Variants in TMCC1 observed in about 807,000 individuals in gnomAD.
The protein encoded by TMCC1 is transmembrane and coiled-coil domains protein 1.
Under a neutral mutation model 52.4 loss-of-function variants are expected in TMCC1, and 15 were observed. That is an observed-to-expected ratio of 0.29 (90% CI 0.19 to 0.44). The LOEUF is 0.44. TMCC1 is among the 20% of genes least tolerant of loss of function. The pLI, the probability that TMCC1 is intolerant of heterozygous loss-of-function variation, is 1.00. For missense variants in TMCC1, 503 were observed against 806.0 expected (o/e 0.62, Z 4.55); for synonymous variants, 279 against 301.9 (o/e 0.92, Z 0.79).
intron 5 of TMCC1, among the ~76,000 whole-genome samples, chr3:129,666,718 C>A (rs1295728566): frequency 1.3e-5 from 2 of 151,506 alleles, no homozygotes; most frequent in Admixed American, 6.6e-5. Flanking sequence ...CCAGCCTGGG[C>A]AACAAGAGTG....
intron 4 of TMCC1, among the ~76,000 whole-genome samples, chr3:129,806,167 G>A (rs1158612624): frequency 6.6e-6 from 1 of 152,160 alleles, no homozygotes; most frequent in African/African-American, 2.4e-5. Flanking sequence ...TCTAATACAA[G>A]TTTGGGAAGC....
chr3:129,870,136 T>A (rs2060841299), intron 2 of TMCC1, among the ~76,000 whole-genome samples: 1 of 152,068 alleles, frequency 6.6e-6, no homozygotes, highest in Non-Finnish European at 1.5e-5. Flanking sequence ...ATAATAAAAA[T>A]AAAATATAAA....
chr3:129,761,003 T>C (rs1028212176), intron 4 of TMCC1, among the ~76,000 whole-genome samples: 1 of 152,086 alleles, frequency 6.6e-6, no homozygotes, highest in Admixed American at 6.5e-5. Flanking sequence ...CATCCATGTA[T>C]CAGACAGAAT....
chr3:129,695,803 G>C (rs2047376951), intron 4 of TMCC1, among the ~76,000 whole-genome samples: 1 of 152,050 alleles, frequency 6.6e-6, no homozygotes, highest in African/African-American at 2.4e-5. Context: ...TGCCTTTGAG[G>C]ACTAAGCTCT....
chr3:129,811,829 A>T (rs1387341302), intron 4 of TMCC1, among the ~76,000 whole-genome samples: 1 of 151,912 alleles, frequency 6.6e-6, no homozygotes, highest in Admixed American at 6.6e-5. Flanking sequence ...CTGTAATCCC[A>T]GCTACTCAGG....
intron 4 of TMCC1, among the ~76,000 whole-genome samples, chr3:129,789,375 G>A (rs191450771): frequency 1.3e-5 from 2 of 152,136 alleles, no homozygotes; most frequent in Non-Finnish European, 1.5e-5. Flanking sequence ...AGTCAGTCAT[G>A]TATCATAGGC....
intron 4 of TMCC1, among the ~76,000 whole-genome samples, chr3:129,762,766 A>G (rs2053718397): frequency 6.6e-6 from 1 of 152,176 alleles, no homozygotes; most frequent in Non-Finnish European, 1.5e-5. Flanking sequence ...TGGGTGACAG[A>G]GTAAGGCTAT....
chr3:129,680,770 G>A (rs1317505963), intron 4 of TMCC1, among the ~76,000 whole-genome samples: 1 of 152,076 alleles, frequency 6.6e-6, no homozygotes, highest in African/African-American at 2.4e-5. Context: ...GCATGGTGGT[G>A]CACGCCTGTA....
intron 4 of TMCC1, among the ~76,000 whole-genome samples, chr3:129,769,307 G>A (rs2054362754): frequency 6.6e-6 from 1 of 152,216 alleles, no homozygotes; most frequent in Non-Finnish European, 1.5e-5. Flanking sequence ...TCGGCTCACT[G>A]CAACCTCTGC....
intron 5 of TMCC1, among the ~76,000 whole-genome samples, chr3:129,668,246 A>G (rs1180201214): frequency 6.6e-6 from 1 of 152,164 alleles, no homozygotes; most frequent in Non-Finnish European, 1.5e-5. Context: ...TGTGGTTTTA[A>G]AAATTTTTTT....
intron 5 of TMCC1, among the ~76,000 whole-genome samples, chr3:129,668,146 C>T (rs2087620275): frequency 6.6e-6 from 1 of 152,166 alleles, no homozygotes; most frequent in Non-Finnish European, 1.5e-5. Flanking sequence ...CAAGATCGCA[C>T]CACTGCACTC....
rs758108925 is a variant in TMCC1 at position 129,670,530 on chromosome 3, T to C, written c.1311A>G (p.Thr437=). ...TGGATGCTCCTACAGCGATGCCCCC[T>C]GTGGTGCTGTTGGCTCCCACTGAGC... ...TSGSVGANST[T]GGIAVGASSS... Residue 437 remains threonine (T), a synonymous_variant, in exon 5 of 7, where the codon ACA becomes ACG. Coordinates refer to ENST00000393238, the MANE Select transcript of TMCC1 (RefSeq NM_001017395.5). The C allele has an allele frequency of 2.5e-6, 4 of 1,614,224 alleles. No homozygotes were observed. Among genetic ancestry groups the C allele is most frequent in the South Asian group, 2.2e-5 (2 of 91,090 alleles).
chr3:129,888,445 A>T (rs1041186916), intron 1 of TMCC1, among the ~76,000 whole-genome samples: 4 of 152,238 alleles, frequency 2.6e-5, no homozygotes, highest in African/African-American at 9.6e-5. Context: ...CTTGGTTTGT[A>T]ACACCATTCT....
chr3:129,655,178 C>T (rs2086591179), intron 5 of TMCC1, 75 bp from the exon 6 acceptor site: 2 of 1,537,164 alleles, frequency 1.3e-6, no homozygotes, highest in African/African-American at 1.4e-5. Context: ...CATCCAACTC[C>T]CAAAACACAT....
intron 4 of TMCC1, among the ~76,000 whole-genome samples, chr3:129,788,748 G>T (rs775023275): frequency 6.6e-6 from 1 of 151,774 alleles, no homozygotes. Context: ...GATTACAGGC[G>T]TGAGCCACCA....
intron 4 of TMCC1, among the ~76,000 whole-genome samples, chr3:129,674,797 C>A (rs988069964): frequency 2.0e-5 from 3 of 152,148 alleles, no homozygotes; most frequent in African/African-American, 7.2e-5. Flanking sequence ...ACAGCCTTTG[C>A]TGGCATATTA....
At chr3:129,738,975 C>T (rs992897737) in intron 4 of TMCC1, among the ~76,000 whole-genome samples, 2 of 152,030 alleles carry the variant, frequency 1.3e-5, no homozygotes, top group Non-Finnish European at 2.9e-5. Context: ...CGCCACCACG[C>T]CCAGCTAATT....
At chr3:129,731,421 T>G (rs2050528730) in intron 4 of TMCC1, among the ~76,000 whole-genome samples, 3 of 152,192 alleles carry the variant, frequency 2.0e-5, no homozygotes, top group Admixed American at 2.0e-4. Flanking sequence ...CTACTAAAAA[T>G]ACAAAAATTA....
At chr3:129,837,969 AAAGAG>A (rs1011473886) in intron 2 of TMCC1, among the ~76,000 whole-genome samples, 6 of 152,346 alleles carry the variant, frequency 3.9e-5, no homozygotes, top group African/African-American at 1.2e-4. Flanking sequence ...ACTGAAATAT[AAAGAG>A]AAAAGAGATT....
Sources: gnomAD v4.1 joint callset for allele counts (sites outside exome capture counted in the v4.1 genomes callset) on GRCh38, gnomAD v4.1.1 for gene constraint, MANE v1.5 for transcripts, NCBI Gene and HGNC (gene_info 2026-07-23, HGNC 2026-07-21) for gene names.